Variants in VAV2 observed in about 807,000 individuals in gnomAD.
The protein encoded by VAV2 is vav guanine nucleotide exchange factor 2, also known as guanine nucleotide exchange factor VAV2.
VAV2 carries 67 observed loss-of-function variants against 132.5 expected under a neutral mutation model. The observed-to-expected ratio is 0.51, with a 90% CI of 0.42 to 0.62. The LOEUF is 0.62. Among genes scored for constraint, VAV2 ranks in the 20% least tolerant of loss-of-function variants. The pLI is 0.00. For missense variants in VAV2, 938 were observed against 1,153.6 expected, an observed-to-expected ratio of 0.81 and a Z score of 2.71; for synonymous variants, 492 against 443.5, an observed-to-expected ratio of 1.11 and a Z score of -1.37.
At chr9:133,870,541 C>T (rs1588293042) in intron 2 of VAV2, among the ~76,000 whole-genome samples, 1 of 152,192 alleles carries the variant, frequency 6.6e-6, no homozygotes, top group South Asian at 2.1e-4. Flanking sequence ...ATATATACTT[C>T]CTCATCTCAG....
Position 133,961,782 on chromosome 9 carries a change from G to A in VAV2, c.205-22563C>T, listed in dbSNP as rs983406463. On this transcript the variant is annotated intron_variant, in intron 1 of 29. Transcript: ENST00000371850. This position sits in a 1 kb window ranked among gnomAD's most constrained non-coding sequence, Gnocchi z 4.1. ...TGGCTCAGGGAGAAGACCCGGGCTT[G>A]CATGATGTACACCAGGGAGCCCACA... 2.0e-5 allele frequency among the ~76,000 whole-genome samples: 3 copies of A among 152,180 alleles called. No homozygotes were observed. The highest frequency in any genetic ancestry group is 4.4e-5 in the Non-Finnish European group (3 of 68,022).
rs544028811 is a variant in VAV2, at chr9:133,885,856, A to G, written c.322-24424T>C. On this transcript the variant is annotated intron_variant, in intron 2 of 29. Transcript: ENST00000371850. This position sits in a 1 kb window ranked among gnomAD's most constrained non-coding sequence, Gnocchi z 5.0. ...GGAAGGAACCACAGGCGCCACTGGGACGGCCCATTGGTGACAACCAAACTC... is the reference window on the plus strand; with the variant it reads ...GGAAGGAACCACAGGCGCCACTGGGGCGGCCCATTGGTGACAACCAAACTC... Among the ~76,000 whole-genome samples the G allele has an allele frequency of 6.6e-6, 1 of 152,316 alleles. No homozygotes were observed. The highest frequency in any genetic ancestry group is 2.4e-5 in the African/African-American group (1 of 41,586).
Position 133,863,496 on chromosome 9 carries a change from A to C in VAV2, c.322-2064T>G, listed in dbSNP as rs1837681566. On this transcript the variant is annotated intron_variant, in intron 2 of 29. Coordinates refer to ENST00000371850, the MANE Select transcript of VAV2 (RefSeq NM_001134398.2). This position sits in a 1 kb window ranked among gnomAD's most constrained non-coding sequence, Gnocchi z 5.0. ...GGCGGGCGAGCCAGCCAAGGCCAGA[A>C]CATGGTTCTCCTGCGTCCATGCATC... Among the ~76,000 whole-genome samples the C allele has an allele frequency of 6.6e-6, 1 of 152,232 alleles. No homozygotes were observed. The highest frequency in any genetic ancestry group is 6.5e-5 in the Admixed American group (1 of 15,288).
At chr9:133,822,488 CA>C (rs755537186) in intron 4 of VAV2, among the ~76,000 whole-genome samples, 1 of 151,884 alleles carries the variant, frequency 6.6e-6, no homozygotes, top group Non-Finnish European at 1.5e-5. Context: ...GAGAGATAGA[CA>C]GACAGACAGA....
intron 9 of VAV2, among the ~76,000 whole-genome samples, chr9:133,800,099 G>A (rs892611046): frequency 6.6e-6 from 1 of 152,326 alleles, no homozygotes; most frequent in African/African-American, 2.4e-5. Flanking sequence ...AGCTGAGAAG[G>A]GAATCACACC....
At chr9:133,933,723 A>ATGG (rs1840776797) in intron 2 of VAV2, among the ~76,000 whole-genome samples, 1 of 70,090 alleles carries the variant, frequency 1.4e-5, no homozygotes, top group South Asian at 8.1e-4. Context: ...GGGTGGATGG[A>ATGG]TGGATGGTGG....
In VAV2 at chr9:133,763,722, G is replaced by T. The variant is rs150111989; in HGVS notation, c.*340C>A. On this transcript the variant is annotated 3_prime_UTR_variant, in exon 30 of 30. Coordinates refer to ENST00000371850, the MANE Select transcript of VAV2 (RefSeq NM_001134398.2). The surrounding 1 kb of genome is among the most constrained non-coding windows in gnomAD (Gnocchi z 6.8). ...GCTGTTCAAACCTAGGCTCCTGAAG[G>T]CCATCTCAGTTGGACAGGGGCAGGC... 1.5e-4 allele frequency: 52 copies of T among 335,546 alleles called. No homozygotes were observed. Among genetic ancestry groups the T allele is most frequent in the African/African-American group, 1.0e-3 (49 of 46,928 alleles). 20.8% of individuals were successfully genotyped at this position (335,546 alleles called of 1,614,324 possible). A position where few individuals can be genotyped will look rare whatever the true frequency, so the allele number is the denominator to read the frequency against.
chr9:133,774,418 C>A (rs540181209), intron 25 of VAV2, among the ~76,000 whole-genome samples: 1 of 152,200 alleles, frequency 6.6e-6, no homozygotes, highest in African/African-American at 2.4e-5. Context: ...GGGTCGGTCT[C>A]CTGGAGAGTT....
At chr9:133,854,279 ATGCACACACACACACCCATGTGCACC>A (rs1837304740) in intron 3 of VAV2, among the ~76,000 whole-genome samples, 1 of 132,290 alleles carries the variant, frequency 7.6e-6, no homozygotes, top group Non-Finnish European at 1.5e-5. Context: ...ACATACCCAT[ATGCACACACACACACCCATGTGCACC>A]TGCACACACA....
intron 2 of VAV2, among the ~76,000 whole-genome samples, chr9:133,887,349 C>T (rs1480895604): frequency 1.3e-5 from 2 of 152,174 alleles, no homozygotes; most frequent in Non-Finnish European, 2.9e-5. Context: ...CCACCTGCTA[C>T]TCCAGGGAGC....
chr9:133,892,851 G>A (rs563689103), intron 2 of VAV2, among the ~76,000 whole-genome samples: 1 of 152,210 alleles, frequency 6.6e-6, no homozygotes, highest in Admixed American at 6.5e-5. Flanking sequence ...GCAATAAAAA[G>A]CATTCCAGGT....
chr9:133,852,709 C>T (rs73554001), intron 3 of VAV2, among the ~76,000 whole-genome samples: 13,679 of 152,266 alleles, frequency 0.09, 1,671 homozygotes, highest in African/African-American at 0.28. Context: ...CTCATCTACA[C>T]CAGCCACGCA....
chr9:133,850,637 C>T (rs960323644), intron 3 of VAV2, among the ~76,000 whole-genome samples: 1 of 152,192 alleles, frequency 6.6e-6, no homozygotes, highest in Admixed American at 6.5e-5. Context: ...TATGAATGTG[C>T]CAGGCTCTAG....
At chr9:133,858,833 G>A (rs1477163297) in intron 3 of VAV2, among the ~76,000 whole-genome samples, 4 of 152,200 alleles carry the variant, frequency 2.6e-5, no homozygotes, top group African/African-American at 7.2e-5. Context: ...ACCTCCACTC[G>A]GGTCTCCTGT....
At chr9:133,778,530 A>G (rs1229266661) in intron 22 of VAV2, among the ~76,000 whole-genome samples, 3 of 152,180 alleles carry the variant, frequency 2.0e-5, no homozygotes, top group Admixed American at 2.0e-4. Flanking sequence ...TACCATGTCA[A>G]AGCAAACACC....
At chr9:133,844,262 C>A (rs1025870353) in intron 3 of VAV2, among the ~76,000 whole-genome samples, 1 of 152,330 alleles carries the variant, frequency 6.6e-6, no homozygotes, top group South Asian at 2.1e-4. Context: ...CGTAAGGGAA[C>A]CTCGGCTGGC....
At chr9:133,984,893 G>A (rs1842802257) in intron 1 of VAV2, among the ~76,000 whole-genome samples, 1 of 148,604 alleles carries the variant, frequency 6.7e-6, no homozygotes, top group Admixed American at 6.8e-5. Context: ...GAAGGACAGA[G>A]GGAGGCCCTA....
chr9:133,849,969 G>C (rs1364724129), intron 3 of VAV2, among the ~76,000 whole-genome samples: 2 of 152,142 alleles, frequency 1.3e-5, no homozygotes, highest in East Asian at 3.9e-4. Context: ...CAGCTTTTGG[G>C]GAACACCATT....
Position 133,883,223 on chromosome 9 carries a change from G to A in VAV2, c.322-21791C>T, listed in dbSNP as rs554861582. 2.0e-5 allele frequency among the ~76,000 whole-genome samples: 3 copies of A among 152,360 alleles called. No homozygotes were observed. The highest frequency in any genetic ancestry group is 2.9e-5 in the Non-Finnish European group (2 of 68,042). ...GGAGCAGATGGGCCCTTCATCATTT[G>A]CTCATTTCACGTTCCCCTAATCATG... On this transcript the variant is annotated intron_variant, in intron 2 of 29. Coordinates refer to ENST00000371850, the MANE Select transcript of VAV2 (RefSeq NM_001134398.2). This position sits in a 1 kb window ranked among gnomAD's most constrained non-coding sequence, Gnocchi z 4.2.
Sources: allele counts gnomAD v4.1 joint callset (sites outside exome capture counted in the v4.1 genomes callset), GRCh38; gene constraint gnomAD v4.1.1; non-coding constraint Gnocchi (gnomAD v3.1); transcripts MANE v1.5; gene names NCBI Gene and HGNC (gene_info 2026-07-23, HGNC 2026-07-21).